EPB41L4B: variants seen among roughly 807,000 people sequenced by gnomAD.
EPB41L4B encodes the protein band 4.1-like protein 4B.
EPB41L4B carries 30 observed loss-of-function variants against 112.5 expected under a neutral mutation model. The observed-to-expected ratio is 0.27, with a 90% CI of 0.20 to 0.36. EPB41L4B has a LOEUF of 0.36. Ranked by LOEUF, EPB41L4B falls within the 10% of genes least tolerant of loss-of-function variation. EPB41L4B has a pLI of 1.00. For synonymous variants in EPB41L4B, 408 were observed against 439.7 expected, an observed-to-expected ratio of 0.93 and a Z score of 0.90; for missense variants, 1,024 against 1,133.3, an observed-to-expected ratio of 0.90 and a Z score of 1.38.
chr9:109,178,322 T>C (rs998874826), intron 24 of EPB41L4B, among the ~76,000 whole-genome samples: 1 of 152,098 alleles, frequency 6.6e-6, no homozygotes, highest in African/African-American at 2.4e-5. Context: ...GCCCTGACCT[T>C]GGAGAAACTT....
chr9:109,289,298 G>A (rs565643185), intron 1 of EPB41L4B, among the ~76,000 whole-genome samples: 132 of 152,242 alleles, frequency 8.7e-4, no homozygotes, highest in African/African-American at 3.0e-3. Context: ...AGCAGGCCCC[G>A]CCTCTCAGGC....
intron 13 of EPB41L4B, among the ~76,000 whole-genome samples, chr9:109,248,799 C>T (rs890029462): frequency 6.6e-6 from 1 of 152,112 alleles, no homozygotes; most frequent in East Asian, 1.9e-4. Context: ...GTAGCTCACA[C>T]CTGTAATCCC....
intron 15 of EPB41L4B, among the ~76,000 whole-genome samples, chr9:109,229,544 C>T (rs1043880772): frequency 5.9e-5 from 9 of 152,288 alleles, no homozygotes; most frequent in South Asian, 4.1e-4. Flanking sequence ...GGGTTCCTGG[C>T]GGCGGGATCA....
chr9:109,224,849 G>C (rs1833705572), intron 15 of EPB41L4B, among the ~76,000 whole-genome samples: 1 of 152,114 alleles, frequency 6.6e-6, no homozygotes, highest in South Asian at 2.1e-4. Flanking sequence ...TTTTGCACAT[G>C]GGGGGATGGG....
intron 22 of EPB41L4B, among the ~76,000 whole-genome samples, chr9:109,189,988 T>G (rs529578217): frequency 6.6e-6 from 1 of 152,298 alleles, no homozygotes; most frequent in East Asian, 1.9e-4. Context: ...CAGGCTGGAA[T>G]GCAGTGGCGT....
At chr9:109,249,073 AT>A (rs58477288) in intron 13 of EPB41L4B, among the ~76,000 whole-genome samples, 3,167 of 121,804 alleles carry the variant, frequency 0.026, 98 homozygotes, top group African/African-American at 0.089. Flanking sequence ...AAAAAAAAAA[AT>A]ATATATATAT....
intron 24 of EPB41L4B, among the ~76,000 whole-genome samples, chr9:109,181,861 T>A (rs902053068): frequency 6.6e-6 from 1 of 151,854 alleles, no homozygotes; most frequent in Admixed American, 6.6e-5. Context: ...CCCCAATAAA[T>A]GAGTGGATAA....
At chr9:109,253,921 T>C (rs1490986021) in intron 11 of EPB41L4B, among the ~76,000 whole-genome samples, 2 of 152,210 alleles carry the variant, frequency 1.3e-5, no homozygotes, top group Non-Finnish European at 2.9e-5. Context: ...AAGACTGTTA[T>C]CAATACCCAC....
intron 1 of EPB41L4B, among the ~76,000 whole-genome samples, chr9:109,298,392 CA>C (rs1298511072): frequency 1.3e-5 from 2 of 151,082 alleles, no homozygotes; most frequent in Admixed American, 1.3e-4. Context: ...CGGCTCACTG[CA>C]ACCTCTGCCT....
intron 5 of EPB41L4B, among the ~76,000 whole-genome samples, chr9:109,264,361 C>G (rs1835324609): frequency 6.6e-6 from 1 of 152,152 alleles, no homozygotes; most frequent in South Asian, 2.1e-4. Flanking sequence ...ATATTCAATA[C>G]AGATGCTGAA....
intron 20 of EPB41L4B, among the ~76,000 whole-genome samples, chr9:109,197,819 CA>C (rs11410452): frequency 3.6e-4 from 47 of 132,014 alleles, no homozygotes; most frequent in African/African-American, 6.0e-4. Context: ...GACTCTGTAT[CA>C]AAAAAAAAAA....
At chr9:109,180,058 C>T (rs1339444368) in intron 24 of EPB41L4B, among the ~76,000 whole-genome samples, 6 of 152,172 alleles carry the variant, frequency 3.9e-5, no homozygotes, top group African/African-American at 1.4e-4. Context: ...TTGTGCCCCT[C>T]CAGTTTTATC....
intron 15 of EPB41L4B, among the ~76,000 whole-genome samples, chr9:109,228,487 C>A (rs1214826639): frequency 6.6e-6 from 1 of 152,166 alleles, no homozygotes; most frequent in African/African-American, 2.4e-5. Context: ...TTTTGGGAGA[C>A]CATTTTTCTG....
intron 19 of EPB41L4B, among the ~76,000 whole-genome samples, chr9:109,201,743 C>G (rs1832841009): frequency 6.6e-6 from 1 of 152,076 alleles, no homozygotes; most frequent in African/African-American, 2.4e-5. Context: ...GGCACTAGAA[C>G]TACCATCCGG....
At chr9:109,270,783 T>G (rs1035494294) in intron 2 of EPB41L4B, among the ~76,000 whole-genome samples, 3 of 152,238 alleles carry the variant, frequency 2.0e-5, no homozygotes, top group African/African-American at 7.2e-5. Context: ...AGTCTCATCT[T>G]TAGCCAAGTC....
chr9:109,319,792 G>A (rs1178772755), intron 1 of EPB41L4B, among the ~76,000 whole-genome samples: 2 of 152,170 alleles, frequency 1.3e-5, no homozygotes, highest in African/African-American at 4.8e-5. Context: ...GCTAGGGACG[G>A]AAGGGGAGCG....
chr9:109,273,642 A>G (rs1420427357), intron 2 of EPB41L4B, among the ~76,000 whole-genome samples: 1 of 152,108 alleles, frequency 6.6e-6, no homozygotes, highest in African/African-American at 2.4e-5. Flanking sequence ...CACTCACCTC[A>G]TGTGTGGCCA....
chr9:109,250,680 T>G (rs1834752449), intron 13 of EPB41L4B, among the ~76,000 whole-genome samples: 1 of 152,148 alleles, frequency 6.6e-6, no homozygotes, highest in Non-Finnish European at 1.5e-5. Flanking sequence ...CCTGAGAGAC[T>G]GATTCAATGC....
chr9:109,306,765 A>G (rs1194082289), intron 1 of EPB41L4B, among the ~76,000 whole-genome samples: 2 of 152,214 alleles, frequency 1.3e-5, no homozygotes, highest in African/African-American at 2.4e-5. Flanking sequence ...AGTAAACATC[A>G]AAAACCACTG....
Sources: allele counts gnomAD v4.1 joint callset (sites outside exome capture counted in the v4.1 genomes callset), GRCh38; gene constraint gnomAD v4.1.1; transcripts MANE v1.5; gene names NCBI Gene and HGNC (gene_info 2026-07-23, HGNC 2026-07-21).